Variants in OCA2 observed in about 807,000 individuals in gnomAD.
The protein encoded by OCA2 is OCA2 melanosomal transmembrane protein.
In OCA2, 77 loss-of-function variants were observed where a neutral mutation model predicts 100.2. The ratio of observed to expected loss-of-function variants is 0.77; its 90% CI spans 0.64 to 0.93. The LOEUF (loss-of-function observed/expected upper bound fraction) is 0.93. Among genes scored for constraint, OCA2 ranks in the 40% least tolerant of loss-of-function variants. OCA2 has a pLI of 0.00. For missense variants in OCA2, 1,062 were observed against 1,089.1 expected (o/e 0.98, Z 0.35); for synonymous variants, 432 against 439.2 (o/e 0.98, Z 0.21).
At chr15:28,059,015 G>A (rs961063287) in intron 2 of OCA2, among the ~76,000 whole-genome samples, 1 of 152,196 alleles carries the variant, frequency 6.6e-6, no homozygotes, top group Non-Finnish European at 1.5e-5. Context: ...TCCAGAGAGC[G>A]CTCAGTGAAG....
intron 19 of OCA2, among the ~76,000 whole-genome samples, chr15:27,908,429 C>T (rs907397857): frequency 2.0e-5 from 3 of 152,086 alleles, no homozygotes; most frequent in African/African-American, 4.8e-5. Flanking sequence ...ATCCTAAAGC[C>T]AGTATCATAT....
At chr15:27,764,736 C>T (rs917765182) in intron 23 of OCA2, among the ~76,000 whole-genome samples, 3 of 152,116 alleles carry the variant, frequency 2.0e-5, no homozygotes, top group African/African-American at 7.2e-5. Flanking sequence ...AATATCAGGT[C>T]CTGGGAAGGT....
At chr15:27,758,745 C>T (rs910262896) in intron 23 of OCA2, among the ~76,000 whole-genome samples, 4 of 152,038 alleles carry the variant, frequency 2.6e-5, no homozygotes, top group African/African-American at 4.8e-5. Flanking sequence ...AGGAAAGAAT[C>T]GGTGAACTTG....
At chr15:28,056,085 C>A (rs550277519) in intron 2 of OCA2, among the ~76,000 whole-genome samples, 2 of 152,154 alleles carry the variant, frequency 1.3e-5, no homozygotes, top group South Asian at 2.1e-4. Context: ...AGCCTCGTGG[C>A]CCTGGGCTCT....
chr15:27,863,654 C>T (rs1236143982), intron 21 of OCA2, among the ~76,000 whole-genome samples: 7 of 152,142 alleles, frequency 4.6e-5, no homozygotes, highest in South Asian at 2.1e-4. Context: ...GTCATGGCCA[C>T]GCTGGGTCCC....
rs56223349 is a variant in OCA2, at chr15:27,829,279, TGATA to T, written c.2432+15676_2432+15679del. Among the ~76,000 whole-genome samples, 902 of 107,602 alleles carry T rather than the reference TGATA, an allele frequency of 8.4e-3. 5 individuals carry two copies. Among genetic ancestry groups the T allele is most frequent in the African/African-American group, 0.017 (562 of 33,124 alleles). The allele number at this position is 107,602 out of a possible 152,430, so 70.6% of individuals were successfully genotyped here. ...ATAGAGACAAGAGATAGAAGATAGA[TGATA>T]GATAGATAGATAGATAGATAGATAG... On this transcript the variant is annotated intron_variant, in intron 23 of 23. Coordinates refer to ENST00000354638, the MANE Select transcript of OCA2 (RefSeq NM_000275.3).
intron 2 of OCA2, among the ~76,000 whole-genome samples, chr15:28,061,604 G>C (rs1388201530): frequency 6.6e-6 from 1 of 152,096 alleles, no homozygotes. Context: ...GGCCCAGAGA[G>C]TGCACTCACC....
At chr15:27,752,323 C>G (rs1566934989), downstream of OCA2, among the ~76,000 whole-genome samples, 1 of 152,312 alleles carries the variant, frequency 6.6e-6, no homozygotes, top group East Asian at 1.9e-4. Context: ...AAAGGCACAG[C>G]TGGTTTCTTC....
chr15:27,936,264 GAGT>G (rs61266463), intron 18 of OCA2, among the ~76,000 whole-genome samples: 16,781 of 152,176 alleles, frequency 0.11, 2,443 homozygotes, highest in East Asian at 0.78. Context: ...TTGGGTGGGT[GAGT>G]AGGACAGGGC....
At chr15:28,088,276 C>T (rs1595935134) in intron 1 of OCA2, among the ~76,000 whole-genome samples, 1 of 152,190 alleles carries the variant, frequency 6.6e-6, no homozygotes, top group African/African-American at 2.4e-5. Flanking sequence ...AAAATTTTAA[C>T]ACTCCTTGAT....
the OCA2 span, among the ~76,000 whole-genome samples, chr15:27,738,599 G>A: frequency 6.6e-6 from 1 of 152,230 alleles, no homozygotes; most frequent in East Asian, 1.9e-4. Context: ...GCCGGGCATG[G>A]TGGTGGGCGC....
Position 27,829,616 on chromosome 15 carries a change from G to A in OCA2, c.2432+15343C>T, listed in dbSNP as rs150093293. 1.6e-3 allele frequency among the ~76,000 whole-genome samples: 244 copies of A among 152,340 alleles called. 2 individuals are homozygous for A. Among genetic ancestry groups the A allele is most frequent in the African/African-American group, 5.7e-3 (237 of 41,574 alleles). On this transcript the variant is annotated intron_variant, in intron 23 of 23. Coordinates refer to ENST00000354638, the MANE Select transcript of OCA2 (RefSeq NM_000275.3). ...AGTTTCCAGGAGTAGGATGGGAGGT[G>A]TGAGCTGTGGCTGTGGCCAACATGG...
intron 19 of OCA2, among the ~76,000 whole-genome samples, chr15:27,895,536 G>T (rs28641806): frequency 1.3e-5 from 2 of 152,310 alleles, no homozygotes; most frequent in South Asian, 2.1e-4. Context: ...CTGGAGCAAA[G>T]GTGACTCTTC....
chr15:27,991,394 G>A (rs766607288), intron 9 of OCA2, among the ~76,000 whole-genome samples: 4 of 152,208 alleles, frequency 2.6e-5, no homozygotes, highest in Admixed American at 1.3e-4. Flanking sequence ...ATGTCCATCC[G>A]TGGTGAAGGG....
the OCA2 span, among the ~76,000 whole-genome samples, chr15:27,735,231 A>G: frequency 6.6e-6 from 1 of 152,188 alleles, no homozygotes. Context: ...AAAAAATGCA[A>G]TAGAGAGCAT....
In OCA2 at chr15:28,081,912, GA is replaced by G. The variant is rs769098267; in HGVS notation, c.-21-18del. 1.3e-6 allele frequency: 2 copies of G among 1,577,034 alleles called. No homozygotes were observed. Among genetic ancestry groups the G allele is most frequent in the Non-Finnish European group, 1.7e-6 (2 of 1,160,420 alleles). On this transcript the variant is annotated intron_variant, in intron 1 of 23. Coordinates refer to ENST00000354638, the MANE Select transcript of OCA2 (RefSeq NM_000275.3). ...GTCTTCTCTCTAGGGCAGCCAGAAA[GA>G]AACCACTCTTCATGAAAGGCACACT... is the stretch of plus-strand genomic sequence containing the variant.
chr15:27,903,118 T>C (rs1311949151), intron 19 of OCA2, among the ~76,000 whole-genome samples: 1 of 152,238 alleles, frequency 6.6e-6, no homozygotes, highest in African/African-American at 2.4e-5. Flanking sequence ...CCAGCGCTCC[T>C]GCGCCCCCTC....
At chr15:27,857,692 T>C (rs781347945) in intron 21 of OCA2, among the ~76,000 whole-genome samples, 17 of 152,058 alleles carry the variant, frequency 1.1e-4, no homozygotes, top group Non-Finnish European at 2.2e-4. Context: ...AAAGGACCTG[T>C]GGGACACCAT....
intron 2 of OCA2, among the ~76,000 whole-genome samples, chr15:28,062,244 T>G (rs7179792): frequency 0.078 from 11,869 of 152,300 alleles, 1,517 homozygotes; most frequent in African/African-American, 0.27. Context: ...TTGCCATCTT[T>G]TTTATGATAG....
Sources: allele counts gnomAD v4.1 joint callset (sites outside exome capture counted in the v4.1 genomes callset), GRCh38; gene constraint gnomAD v4.1.1; transcripts MANE v1.5; gene names NCBI Gene and HGNC (gene_info 2026-07-23, HGNC 2026-07-21).